The following TRPM3 variants were observed in gnomAD, a reference collection of about 807,000 sequenced individuals.
TRPM3 encodes the protein long transient receptor potential channel 3.
A neutral mutation model predicts 181.2 loss-of-function variants in TRPM3; 77 were observed. The ratio of observed to expected loss-of-function variants is 0.42; its 90% confidence interval spans 0.35 to 0.51. The LOEUF is 0.51. TRPM3 is among the 20% of genes least tolerant of loss of function. The pLI is 0.01. For missense variants in TRPM3, 1,759 were observed against 2,196.7 expected, an observed-to-expected ratio of 0.80 and a Z score of 3.98; for synonymous variants, 745 against 796.4, an observed-to-expected ratio of 0.94 and a Z score of 1.09.
intron 22 of TRPM3, 142 bp from the exon 23 acceptor site, chr9:70,553,452 ATTG>A: frequency 9.3e-7 from 1 of 1,071,284 alleles, no homozygotes; most frequent in Admixed American, 2.8e-5. Context: ...ACAAGCCAAA[ATTG>A]AAAAATGAGA....
intron 1 of TRPM3, among the ~76,000 whole-genome samples, chr9:70,908,681 A>G (rs1227622629): frequency 2.0e-5 from 3 of 152,230 alleles, no homozygotes; most frequent in African/African-American, 7.2e-5. Context: ...GGCGGATGCA[A>G]GCTTGAAGAC....
intron 1 of TRPM3, among the ~76,000 whole-genome samples, chr9:71,054,860 C>A (rs1490486466): frequency 1.3e-5 from 2 of 152,076 alleles, no homozygotes; most frequent in African/African-American, 4.8e-5. Context: ...CCTCTTCAGT[C>A]CCCATTTCCA....
chr9:71,245,936 T>C lies in TRPM3; in HGVS notation c.183+200717A>G, dbSNP rs2082011787. On this transcript the variant is annotated intron_variant, in intron 1 of 24. Transcript: ENST00000357533. ...TATAAAAGAGAAGAAAAGATAAGGA[T>C]ATCTGATGAAGTTAAAGGAGAATGG... is the stretch of plus-strand genomic sequence containing the variant. Among the ~76,000 whole-genome samples the C allele has an allele frequency of 3.9e-5, 6 of 152,260 alleles. No individual in the cohort carries two copies. The South Asian group carries it at 1.2e-3, about 32-fold the overall frequency.
At chr9:70,970,343 C>T (rs1033395113) in intron 1 of TRPM3, among the ~76,000 whole-genome samples, 4 of 152,040 alleles carry the variant, frequency 2.6e-5, no homozygotes, top group Non-Finnish European at 5.9e-5. Context: ...GCATCAGAGT[C>T]CCTTTAAAGT....
chr9:70,929,798 T>C (rs1158035911), intron 1 of TRPM3, among the ~76,000 whole-genome samples: 2 of 152,228 alleles, frequency 1.3e-5, no homozygotes, highest in East Asian at 3.8e-4. Context: ...TGTTTGTTTT[T>C]ACTTTTTTAG....
chr9:71,011,724 T>A (rs2097742406), intron 1 of TRPM3, among the ~76,000 whole-genome samples: 1 of 150,944 alleles, frequency 6.6e-6, no homozygotes, highest in Non-Finnish European at 1.5e-5. Flanking sequence ...TAAATAATAA[T>A]AAAAAGGCTT....
intron 4 of TRPM3, among the ~76,000 whole-genome samples, chr9:70,844,407 T>C (rs2094855441): frequency 6.7e-6 from 1 of 150,126 alleles, no homozygotes; most frequent in Admixed American, 6.7e-5. Context: ...TATCTATGAA[T>C]CTTCTGAGTG....
rs144199582 is a variant in TRPM3 at position 70,923,085 on chromosome 9, C to T, written c.178-58574G>A. 3.1e-3 allele frequency among the ~76,000 whole-genome samples: 467 copies of T among 151,888 alleles called. 1 individual carries two copies. The highest frequency in any genetic ancestry group is 0.014 in the Middle Eastern group (4 of 292). ...CTATTGGGCCTATTATAAAAGATAG[C>T]GCCTATCCAGGGGCAATGAAGTGGA... On this transcript the variant is annotated intron_variant, in intron 1 of 25. Transcript: ENST00000677713.
At chr9:70,938,516 T>C (rs992544184) in intron 1 of TRPM3, among the ~76,000 whole-genome samples, 3 of 152,220 alleles carry the variant, frequency 2.0e-5, no homozygotes, top group Non-Finnish European at 4.4e-5. Flanking sequence ...CAGTCCTCTT[T>C]GCAGATTTCT....
intron 1 of TRPM3, among the ~76,000 whole-genome samples, chr9:71,198,494 C>G (rs909990681): frequency 6.6e-6 from 1 of 152,158 alleles, no homozygotes; most frequent in South Asian, 2.1e-4. Context: ...TTGATTCTTC[C>G]TACCCATGAG....
At chr9:70,695,363 G>T (rs1380312738) in intron 8 of TRPM3, among the ~76,000 whole-genome samples, 1 of 152,194 alleles carries the variant, frequency 6.6e-6, no homozygotes, top group Non-Finnish European at 1.5e-5. Context: ...AAGTCACACA[G>T]CACAATTTCT....
chr9:71,241,429 A>G (rs1246264939), intron 1 of TRPM3, among the ~76,000 whole-genome samples: 1 of 145,166 alleles, frequency 6.9e-6, no homozygotes, highest in East Asian at 2.1e-4. Context: ...TCTCACTCAT[A>G]GGTGGGAATT....
intron 24 of TRPM3, 71 bp from the exon 25 acceptor site, chr9:70,549,745 A>C: frequency 1.3e-6 from 2 of 1,485,448 alleles, no homozygotes; most frequent in Non-Finnish European, 1.8e-6. Context: ...TTGTGGGCCT[A>C]GTGACATTCT....
chr9:71,236,962 G>A (rs546188591), intron 1 of TRPM3, among the ~76,000 whole-genome samples: 4 of 145,802 alleles, frequency 2.7e-5, no homozygotes, highest in South Asian at 4.5e-4. Flanking sequence ...CATAAGAATC[G>A]CTTGAACCTG....
chr9:71,081,534 G>C (rs1215410281), intron 1 of TRPM3, among the ~76,000 whole-genome samples: 1 of 152,150 alleles, frequency 6.6e-6, no homozygotes, highest in East Asian at 1.9e-4. Context: ...GAGAGACATA[G>C]AACAGTCAGG....
chr9:71,103,657 T>G (rs1053218518), intron 1 of TRPM3, among the ~76,000 whole-genome samples: 1 of 152,152 alleles, frequency 6.6e-6, no homozygotes, highest in Admixed American at 6.5e-5. Context: ...TGTGGATGGA[T>G]AGGGAGATAA....
intron 1 of TRPM3, among the ~76,000 whole-genome samples, chr9:70,921,915 C>CTA (rs1273130571): frequency 6.5e-5 from 2 of 30,808 alleles, no homozygotes; most frequent in Admixed American, 8.6e-4. Context: ...TTGGCAGCCA[C>CTA]TATACACACA....
In TRPM3 at chr9:71,261,776, C is replaced by T. The variant is rs1441391904; in HGVS notation, c.183+184877G>A. The stretch of plus-strand genomic sequence containing the variant: ...ATCAGGCCCCTTTTCTGCAGGTCTG[C>T]TGGAGTTTGTTGTGGGTCCACTCCA... On this transcript the variant is annotated intron_variant, in intron 1 of 24. Transcript: ENST00000357533. 1.3e-5 allele frequency among the ~76,000 whole-genome samples: 2 copies of T among 152,278 alleles called. 1 individual carries two copies. Among genetic ancestry groups the T allele is most frequent in the South Asian group, 4.1e-4 (2 of 4,824 alleles).
At chr9:70,635,157 T>G (rs1402367145) in intron 12 of TRPM3, 54 bp downstream of exon 12, 1 of 1,532,526 alleles carries the variant, frequency 6.5e-7, no homozygotes, top group Non-Finnish European at 9.0e-7. Context: ...CACTCTCTAA[T>G]CACAGGAAGC....
Sources: allele counts gnomAD v4.1 joint callset (sites outside exome capture counted in the v4.1 genomes callset), GRCh38; gene constraint gnomAD v4.1.1; transcripts MANE v1.5; gene names NCBI Gene and HGNC (gene_info 2026-07-23, HGNC 2026-07-21).